DPP6: variants seen among roughly 807,000 people sequenced by gnomAD.
The protein encoded by DPP6 is dipeptidyl peptidase like 6.
Under a neutral mutation model 122.6 loss-of-function variants are expected in DPP6, and 69 were observed. That is an observed-to-expected ratio of 0.56 (90% CI 0.46 to 0.69). The LOEUF is 0.69. Among genes scored for constraint, DPP6 ranks in the 30% least tolerant of loss-of-function variants. DPP6 has a pLI of 0.00. For synonymous variants in DPP6, 418 were observed against 433.1 expected, an observed-to-expected ratio of 0.97 and a Z score of 0.43; for missense variants, 928 against 1,116.9, an observed-to-expected ratio of 0.83 and a Z score of 2.41.
At chr7:153,757,785 C>T in the DPP6 span, among the ~76,000 whole-genome samples, 1 of 152,116 alleles carries the variant, frequency 6.6e-6, no homozygotes, top group South Asian at 2.1e-4. Context: ...TGGCGAAACC[C>T]CATCTCTACT....
At chr7:154,822,055 C>CT (rs1799824356) in intron 16 of DPP6, among the ~76,000 whole-genome samples, 1 of 152,100 alleles carries the variant, frequency 6.6e-6, no homozygotes. Flanking sequence ...ACCTCATAAA[C>CT]TTTCTCTGGT....
chr7:154,365,941 G>C (rs1413741127), intron 1 of DPP6, among the ~76,000 whole-genome samples: 2 of 141,852 alleles, frequency 1.4e-5, no homozygotes, highest in Non-Finnish European at 3.0e-5. Context: ...CTGGGCGACA[G>C]AGCGAGACTC....
chr7:154,239,193 C>T (rs866897742), intron 1 of DPP6, among the ~76,000 whole-genome samples: 21 of 152,226 alleles, frequency 1.4e-4, no homozygotes, highest in African/African-American at 4.8e-4. Context: ...ACCATTTGTA[C>T]TCCCTCTGAT....
intron 1 of DPP6, among the ~76,000 whole-genome samples, chr7:154,293,321 T>G (rs1296889669): frequency 6.6e-6 from 1 of 152,238 alleles, no homozygotes; most frequent in Non-Finnish European, 1.5e-5. Context: ...TTTTCGTCCT[T>G]GCTCCTTTCA....
intron 1 of DPP6, among the ~76,000 whole-genome samples, chr7:154,065,158 A>G (rs1802604726): frequency 6.6e-6 from 1 of 152,106 alleles, no homozygotes; most frequent in South Asian, 2.1e-4. Flanking sequence ...ACCTGTAATC[A>G]TAGCTGCTTG....
At chr7:154,448,056 T>A (rs1820038632) in intron 2 of DPP6, among the ~76,000 whole-genome samples, 1 of 152,126 alleles carries the variant, frequency 6.6e-6, no homozygotes, top group Non-Finnish European at 1.5e-5. Context: ...TAACATTATA[T>A]TGGAGGGTCT....
At chr7:153,792,848 C>T in the DPP6 span, among the ~76,000 whole-genome samples, 7 of 152,080 alleles carry the variant, frequency 4.6e-5, no homozygotes, top group Non-Finnish European at 1.0e-4. Context: ...GCCAGTCTTT[C>T]CCATGCTATT....
intron 1 of DPP6, among the ~76,000 whole-genome samples, chr7:153,913,293 C>CA (rs1800166188): frequency 6.6e-6 from 1 of 152,134 alleles, no homozygotes; most frequent in Non-Finnish European, 1.5e-5. Flanking sequence ...CAGCAGGTCT[C>CA]AAACTCCTGA....
chr7:154,081,732 G>A (rs1334723506), intron 1 of DPP6, among the ~76,000 whole-genome samples: 1 of 150,604 alleles, frequency 6.6e-6, no homozygotes. Context: ...TTAGAGACAT[G>A]TCAAAACCTC....
At chr7:154,453,381 G>C (rs1315793186) in intron 2 of DPP6, among the ~76,000 whole-genome samples, 1 of 152,132 alleles carries the variant, frequency 6.6e-6, no homozygotes, top group African/African-American at 2.4e-5. Flanking sequence ...ACGTAACATA[G>C]AGATTACTTT....
chr7:154,732,513 T>C (rs1318949393), intron 8 of DPP6, among the ~76,000 whole-genome samples: 1 of 152,176 alleles, frequency 6.6e-6, no homozygotes, highest in African/African-American at 2.4e-5. Flanking sequence ...TTAGGGTCAT[T>C]GGAGGACAAC....
At chr7:154,752,484 C>T (rs1484971785) in intron 8 of DPP6, among the ~76,000 whole-genome samples, 2 of 152,250 alleles carry the variant, frequency 1.3e-5, no homozygotes, top group Middle Eastern at 3.4e-3. Context: ...GGAGTCTCTT[C>T]TGCATTTTGT....
At chr7:154,506,176 A>T (rs1462817527) in intron 3 of DPP6, among the ~76,000 whole-genome samples, 2 of 151,850 alleles carry the variant, frequency 1.3e-5, no homozygotes, top group Non-Finnish European at 2.9e-5. Context: ...GGAGATCTTA[A>T]CTCTGCTATT....
chr7:154,314,166 C>T (rs562657020), intron 1 of DPP6, among the ~76,000 whole-genome samples: 47 of 152,226 alleles, frequency 3.1e-4, no homozygotes, highest in African/African-American at 1.0e-3. Context: ...ACTTCTGATC[C>T]GAGCTCCTCC....
intron 1 of DPP6, among the ~76,000 whole-genome samples, chr7:154,010,271 A>G (rs1299366237): frequency 6.6e-6 from 1 of 152,260 alleles, no homozygotes; most frequent in African/African-American, 2.4e-5. Flanking sequence ...TGCCTCAGCA[A>G]ACATGTGCAT....
intron 1 of DPP6, among the ~76,000 whole-genome samples, chr7:154,021,397 A>C (rs1364198254): frequency 1.3e-5 from 2 of 152,130 alleles, no homozygotes; most frequent in African/African-American, 4.8e-5. Flanking sequence ...GTGCTACTTC[A>C]GTGTCTGCTC....
chr7:154,152,852 T>A (rs1429538889), intron 1 of DPP6, among the ~76,000 whole-genome samples: 1 of 152,246 alleles, frequency 6.6e-6, no homozygotes, highest in African/African-American at 2.4e-5. Flanking sequence ...AAACAAGCCC[T>A]TGACTTGCCG....
At chr7:154,285,635 C>T (rs79617187) in intron 1 of DPP6, among the ~76,000 whole-genome samples, 5,133 of 152,220 alleles carry the variant, frequency 0.034, 214 homozygotes, top group African/African-American at 0.1. Context: ...TGTGAGGAAA[C>T]GGTTTAAAAA....
intron 8 of DPP6, among the ~76,000 whole-genome samples, chr7:154,761,781 T>C (rs768839990): frequency 1.3e-5 from 2 of 152,186 alleles, no homozygotes; most frequent in Admixed American, 6.5e-5. Context: ...ATGTGCCATG[T>C]TGGTGTGCTG....
Sources: gnomAD v4.1 joint callset for allele counts (sites outside exome capture counted in the v4.1 genomes callset) on GRCh38, gnomAD v4.1.1 for gene constraint, MANE v1.5 for transcripts, NCBI Gene and HGNC (gene_info 2026-07-23, HGNC 2026-07-21) for gene names.